Variants in OTUD7A observed in about 807,000 individuals in gnomAD.
The protein encoded by OTUD7A is OTU deubiquitinase 7A, also known as OTU domain-containing protein 7A.
In OTUD7A, 12 loss-of-function variants were observed where a neutral mutation model predicts 65.7. The observed-to-expected ratio is 0.18, with a 90% CI of 0.12 to 0.30. The LOEUF is 0.30. Among genes scored for constraint, OTUD7A ranks in the 10% least tolerant of loss-of-function variants. The pLI, the probability that OTUD7A is intolerant of heterozygous loss-of-function variation, is 1.00. For synonymous variants in OTUD7A, 641 were observed against 586.3 expected, an observed-to-expected ratio of 1.09 and a Z score of -1.35; for missense variants, 1,148 against 1,304.8, an observed-to-expected ratio of 0.88 and a Z score of 1.85.
At chr15:31,555,865 G>C (rs952800264) in intron 5 of OTUD7A, 1 of 39,402 alleles carries the variant, frequency 2.5e-5, no homozygotes, top group Non-Finnish European at 4.4e-5. Context: ...TTTTTTTTTT[G>C]AGACAGGGTT....
chr15:31,618,164 A>C (rs1272473237), intron 3 of OTUD7A, among the ~76,000 whole-genome samples: 2 of 152,076 alleles, frequency 1.3e-5, no homozygotes, highest in African/African-American at 4.8e-5. Context: ...ACATTTTCTT[A>C]ATCCAGTCTA....
chr15:31,816,528 A>C (rs1276338232), intron 1 of OTUD7A, among the ~76,000 whole-genome samples: 2 of 16,878 alleles, frequency 1.2e-4, no homozygotes, highest in Non-Finnish European at 2.3e-4. Flanking sequence ...GTCTCTACTA[A>C]AAATACAAAA....
chr15:31,847,169 T>C (rs1196751609), intron 1 of OTUD7A, among the ~76,000 whole-genome samples: 1 of 152,204 alleles, frequency 6.6e-6, no homozygotes, highest in Non-Finnish European at 1.5e-5. Context: ...GGGGCTGCAG[T>C]GGACCCTTTC....
intron 3 of OTUD7A, among the ~76,000 whole-genome samples, chr15:31,653,204 G>A (rs1468877502): frequency 1.3e-5 from 2 of 151,496 alleles, no homozygotes; most frequent in African/African-American, 2.4e-5. Flanking sequence ...GCAATGAGCC[G>A]AGATAGCGCC....
At chr15:31,533,235 T>A (rs1041997502) in intron 5 of OTUD7A, among the ~76,000 whole-genome samples, 3 of 101,096 alleles carry the variant, frequency 3.0e-5, no homozygotes, top group Non-Finnish European at 5.2e-5. Flanking sequence ...GCAGGATAAA[T>A]TTTTTTTTTT....
At chr15:31,856,452 C>T (rs923420778) in intron 1 of OTUD7A, among the ~76,000 whole-genome samples, 2 of 152,088 alleles carry the variant, frequency 1.3e-5, no homozygotes, top group Admixed American at 6.5e-5. Flanking sequence ...TAGTATGACT[C>T]GATTTTTACA....
intron 5 of OTUD7A, 49 bp downstream of exon 5, chr15:31,558,920 C>G: frequency 1.3e-6 from 2 of 1,588,190 alleles, no homozygotes; most frequent in African/African-American, 1.3e-5. Flanking sequence ...GGCCAGCTCA[C>G]CATTCACCAA....
chr15:31,722,569 C>T (rs1360700670), intron 1 of OTUD7A, among the ~76,000 whole-genome samples: 2 of 152,198 alleles, frequency 1.3e-5, no homozygotes, highest in African/African-American at 2.4e-5. Context: ...GTCAGGGAGA[C>T]GAGGTTCATC....
intron 1 of OTUD7A, among the ~76,000 whole-genome samples, chr15:31,773,391 T>G (rs1386565384): frequency 6.6e-6 from 1 of 152,224 alleles, no homozygotes; most frequent in African/African-American, 2.4e-5. Context: ...ATTCCATGTC[T>G]GATAAGGGCC....
chr15:31,483,279 G>A lies in OTUD7A; in HGVS notation c.*15C>T, dbSNP rs2041162320. On this transcript the variant is annotated 3_prime_UTR_variant, in exon 13 of 13. Transcript: ENST00000307050. ...TCGAAGGTAGAACCTCGCCGCCCGC[G>A]CCGCGCCGCGCCGCTCAGGGCCGGG... 2.8e-6 allele frequency: 3 copies of A among 1,089,576 alleles called. No individual in the cohort carries two copies. The highest frequency in any genetic ancestry group is 3.3e-6 in the Non-Finnish European group (3 of 898,824). 67.5% of individuals were successfully genotyped at this position (1,089,576 alleles called of 1,614,324 possible). A position where few individuals can be genotyped will look rare whatever the true frequency, so the allele number is the denominator to read the frequency against.
At chr15:31,585,223 C>T (rs530888887) in intron 3 of OTUD7A, among the ~76,000 whole-genome samples, 17 of 152,192 alleles carry the variant, frequency 1.1e-4, no homozygotes, top group Non-Finnish European at 2.5e-4. Flanking sequence ...TCAACCTTTC[C>T]CCTCCCTTCA....
At chr15:31,634,583 C>T (rs1375346455) in intron 3 of OTUD7A, among the ~76,000 whole-genome samples, 2 of 152,254 alleles carry the variant, frequency 1.3e-5, no homozygotes, top group Admixed American at 6.5e-5. Context: ...ATGCTCATGG[C>T]CGGAGTTCCC....
intron 1 of OTUD7A, among the ~76,000 whole-genome samples, chr15:31,657,503 G>A (rs577884966): frequency 3.2e-4 from 48 of 151,182 alleles, no homozygotes; most frequent in African/African-American, 7.5e-4. Context: ...GAGTACAGGC[G>A]CCCACCACCA....
At chr15:31,501,538 G>T in intron 10 of OTUD7A, 152 bp downstream of exon 10, 1 of 900,320 alleles carries the variant, frequency 1.1e-6, no homozygotes, top group Non-Finnish European at 1.7e-6. Context: ...GCATAAGGTA[G>T]CTTTATGCAA....
intron 5 of OTUD7A, among the ~76,000 whole-genome samples, chr15:31,538,496 C>T (rs12908711): frequency 7.9e-5 from 12 of 151,928 alleles, no homozygotes; most frequent in Admixed American, 6.5e-5. Flanking sequence ...AGGAAACTGA[C>T]GCTCACAGGG....
intron 1 of OTUD7A, among the ~76,000 whole-genome samples, chr15:31,809,063 G>A (rs1329139122): frequency 6.6e-6 from 1 of 152,294 alleles, no homozygotes; most frequent in East Asian, 1.9e-4. Context: ...TGACAGGAGA[G>A]GAAGCAGGCA....
rs531310398 is a variant in OTUD7A, at chr15:31,506,045, T to A, written c.894-2227A>T. 5.1e-4 allele frequency among the ~76,000 whole-genome samples: 78 copies of A among 152,268 alleles called. 1 individual carries two copies. Among genetic ancestry groups the A allele is most frequent in the African/African-American group, 1.8e-3 (76 of 41,566 alleles). Reference sequence around the variant, plus strand: ...GAGCCACCATGCCTGGCCACAATTTTTTTTTTTACTTATCGAATTAATGTT... The same window carrying A: ...GAGCCACCATGCCTGGCCACAATTTATTTTTTTACTTATCGAATTAATGTT... On this transcript the variant is annotated intron_variant, in intron 8 of 12. Transcript: ENST00000307050.
chr15:31,629,254 T>G (rs1286898438), intron 3 of OTUD7A, among the ~76,000 whole-genome samples: 1 of 152,214 alleles, frequency 6.6e-6, no homozygotes, highest in Non-Finnish European at 1.5e-5. Flanking sequence ...CTTAATATTT[T>G]GAGATATGTC....
intron 1 of OTUD7A, among the ~76,000 whole-genome samples, chr15:31,704,221 G>A (rs2141330842): frequency 8.1e-6 from 1 of 122,854 alleles, no homozygotes; most frequent in East Asian, 3.0e-4. Context: ...GGGGACACTG[G>A]AACTCTATTA....
Sources: allele counts gnomAD v4.1 joint callset (sites outside exome capture counted in the v4.1 genomes callset), GRCh38; gene constraint gnomAD v4.1.1; transcripts MANE v1.5; gene names NCBI Gene and HGNC (gene_info 2026-07-23, HGNC 2026-07-21).